The following SPATA1 variants were observed in gnomAD, a reference collection of about 807,000 sequenced individuals.
SPATA1 encodes the protein spermatogenesis-associated protein 1.
In SPATA1, 57 loss-of-function variants were observed where a neutral mutation model predicts 59.6. The ratio of observed to expected loss-of-function variants is 0.96; its 90% CI spans 0.77 to 1.19. SPATA1 has a LOEUF of 1.19. SPATA1 is among the 50% of genes most tolerant of loss of function. The probability of loss-of-function intolerance (pLI) is 0.00; values close to 1 mark genes in which losing one functional copy is unlikely to be tolerated. For synonymous variants in SPATA1, 147 were observed against 163.9 expected (o/e 0.90, Z 0.79); for missense variants, 448 against 480.7 (o/e 0.93, Z 0.64).
chr1:84,558,709 T>C (rs1388530549), downstream of SPATA1, among the ~76,000 whole-genome samples: 1 of 151,700 alleles, frequency 6.6e-6, no homozygotes, highest in Non-Finnish European at 1.5e-5. Flanking sequence ...AAGACCAGCC[T>C]GGGCAATATA....
At chr1:84,554,843 G>A, downstream of SPATA1, 1 of 608,780 alleles carries the variant, frequency 1.6e-6, no homozygotes. Context: ...GGACATTCGT[G>A]TGTATTTTTC....
downstream of SPATA1, among the ~76,000 whole-genome samples, chr1:84,555,402 A>G (rs1038509003): frequency 2.0e-5 from 3 of 152,254 alleles, no homozygotes; most frequent in Non-Finnish European, 4.4e-5. Context: ...TATATTTGAT[A>G]CAAATGGTCC....
At chr1:84,548,192 ATTTT>A (rs959391490) in intron 10 of SPATA1, among the ~76,000 whole-genome samples, 39 of 152,106 alleles carry the variant, frequency 2.6e-4, no homozygotes, top group African/African-American at 8.7e-4. Flanking sequence ...TAAATTTGAG[ATTTT>A]TGTTTCTATG....
At chr1:84,506,392 C>G (rs1479543742), upstream of SPATA1, 13 of 261,592 alleles carry the variant, frequency 5.0e-5, no homozygotes, top group East Asian at 1.1e-3. Flanking sequence ...TTTTCTTTTC[C>G]TCTCCAGAGG....
chr1:84,533,860 T>G, intron 8 of SPATA1, 94 bp downstream of exon 8: 2 of 750,112 alleles, frequency 2.7e-6, no homozygotes, highest in Middle Eastern at 4.9e-4. Context: ...AATGTCTAAG[T>G]TTTCCAGAAA....
At chr1:84,549,759 AAAGT>A (rs1420678894) in intron 11 of SPATA1, 9 of 152,242 alleles carry the variant, frequency 5.9e-5, no homozygotes, top group Admixed American at 5.9e-4. Flanking sequence ...ACTATGATTA[AAAGT>A]AAGGATTTAA....
At chr1:84,538,972 G>T (rs1234103042) in intron 8 of SPATA1, among the ~76,000 whole-genome samples, 1 of 114,280 alleles carries the variant, frequency 8.8e-6, no homozygotes, top group African/African-American at 5.0e-5. Flanking sequence ...GGTAATTTTT[G>T]TATTTTTTTG....
At chr1:84,548,652 G>A (rs1219358259) in intron 10 of SPATA1, 134 bp from the exon 11 acceptor site, 3 of 1,101,660 alleles carry the variant, frequency 2.7e-6, no homozygotes, top group Non-Finnish European at 3.5e-6. Flanking sequence ...AAAAGGAGAA[G>A]AGGAGAGAAA....
At chr1:84,510,727 A>G (rs909901653) in intron 1 of SPATA1, among the ~76,000 whole-genome samples, 2 of 152,246 alleles carry the variant, frequency 1.3e-5, no homozygotes, top group Non-Finnish European at 2.9e-5. Context: ...CTGCAGCACT[A>G]TTCACAATAG....
intron 2 of SPATA1, among the ~76,000 whole-genome samples, chr1:84,519,521 A>G (rs1682933657): frequency 1.3e-5 from 2 of 152,070 alleles, no homozygotes; most frequent in Non-Finnish European, 1.5e-5. Context: ...TAATACATTT[A>G]TATAAAGATA....
chr1:84,560,626 T>C (rs1281193602), intron 4 of SPATA1, among the ~76,000 whole-genome samples: 1 of 152,190 alleles, frequency 6.6e-6, no homozygotes, highest in Non-Finnish European at 1.5e-5. Context: ...ATTTAAGACT[T>C]TGCTAGCTAG....
intron 1 of SPATA1, among the ~76,000 whole-genome samples, chr1:84,511,893 G>A (rs748869411): frequency 3.3e-5 from 5 of 151,920 alleles, no homozygotes; most frequent in Admixed American, 6.6e-5. Flanking sequence ...AGTTGGTCAG[G>A]CTGGTCTCAA....
intron 8 of SPATA1, among the ~76,000 whole-genome samples, chr1:84,543,420 G>C (rs975557222): frequency 6.6e-5 from 10 of 152,116 alleles, no homozygotes; most frequent in African/African-American, 2.4e-4. Context: ...TCTGCAGGCT[G>C]TACAGGAAGC....
chr1:84,565,951 C>G (rs755865153), exon 5 of SPATA1: 1 of 1,597,046 alleles, frequency 6.3e-7, no homozygotes, highest in East Asian at 2.3e-5. Flanking sequence ...ATCTGCGATT[C>G]CAGTATAATT....
At chr1:84,525,013 G>A (rs1683160273) in intron 4 of SPATA1, among the ~76,000 whole-genome samples, 1 of 152,106 alleles carries the variant, frequency 6.6e-6, no homozygotes, top group Admixed American at 6.6e-5. Flanking sequence ...GTCTCCCTCT[G>A]TTGCCCAGGC....
At chr1:84,529,651 G>A (rs1217572752) in intron 6 of SPATA1, among the ~76,000 whole-genome samples, 1 of 129,950 alleles carries the variant, frequency 7.7e-6, no homozygotes, top group East Asian at 2.2e-4. Flanking sequence ...GTGCGATCTC[G>A]GCTCACTGCA....
At chr1:84,546,728 C>T (rs1327290401) in intron 10 of SPATA1, among the ~76,000 whole-genome samples, 1 of 152,136 alleles carries the variant, frequency 6.6e-6, no homozygotes, top group Non-Finnish European at 1.5e-5. Flanking sequence ...CAGTCAAGAT[C>T]ACCTTATATA....
chr1:84,557,858 A>C (rs1194373802), downstream of SPATA1, among the ~76,000 whole-genome samples: 6 of 86,422 alleles, frequency 6.9e-5, no homozygotes, highest in Non-Finnish European at 1.6e-4. Context: ...ACTCCATCTC[A>C]AAAAAAAAAA....
At position 84,549,641 on chromosome 1, in the gene SPATA1, T is replaced by G. The variant is rs1488474610; in HGVS notation, c.1125+677T>G. On this transcript the variant is annotated intron_variant, in intron 11 of 12. Transcript: ENST00000490879. ...GACATGAAGTTTATTTTATTATTAA[T>G]TCCACCATATAATTAAATAACAGAC... 2.6e-5 allele frequency: 4 copies of G among 152,214 alleles called. No homozygotes were observed. In the East Asian group the frequency reaches 7.7e-4, roughly 29 times the overall value. The allele number at this position is 152,214 out of a possible 1,614,324, so 9.4% of individuals were successfully genotyped here. A position where few individuals can be genotyped will look rare whatever the true frequency, so the allele number is the denominator to read the frequency against.
Sources: gnomAD v4.1 joint callset for allele counts (sites outside exome capture counted in the v4.1 genomes callset) on GRCh38, gnomAD v4.1.1 for gene constraint, MANE v1.5 for transcripts, NCBI Gene and HGNC (gene_info 2026-07-23, HGNC 2026-07-21) for gene names.